Variants in PCDHAC1 observed in about 807,000 individuals in gnomAD.
The protein encoded by PCDHAC1 is protocadherin alpha-C1.
Under a neutral mutation model 60.0 loss-of-function variants are expected in PCDHAC1, and 42 were observed. That is an observed-to-expected ratio of 0.70 (90% CI 0.55 to 0.90). PCDHAC1 has a LOEUF of 0.90. Ranked by LOEUF, PCDHAC1 falls within the 40% of genes least tolerant of loss-of-function variation. PCDHAC1 has a pLI of 0.00. For missense variants in PCDHAC1, 1,160 were observed against 1,222.3 expected (o/e 0.95, Z 0.76); for synonymous variants, 468 against 499.3 (o/e 0.94, Z 0.84).
In PCDHAC1 at chr5:140,928,868, C is replaced by G. The variant is rs374918492; in HGVS notation, c.1976C>G (p.Ser659Cys). Residue 659 changes from serine to cysteine, a missense_variant, in exon 1 of 4, where the codon TCT (serine) becomes TGT (cysteine). Ser to Cys is a moderately radical substitution (Grantham distance 112). Coordinates refer to ENST00000253807, the MANE Select transcript of PCDHAC1 (RefSeq NM_018898.5). ...ACTCTGGGTGTGCTGTTGAGCAACT[C>G]TGTCCCTCAGTTACTTCCAGACTTT... Reference protein sequence around the residue: ...SVTLGVLLSNSVPQLLPDFED... With the variant: ...SVTLGVLLSNCVPQLLPDFED... 32 of 1,614,062 alleles carry G rather than the reference C, an allele frequency of 2.0e-5. No individual in the cohort carries two copies. Among genetic ancestry groups the G allele is most frequent in the Non-Finnish European group, 2.6e-5 (31 of 1,180,044 alleles).
At chr5:140,990,670 A>T (rs1172208113) in intron 3 of PCDHAC1, among the ~76,000 whole-genome samples, 1 of 152,192 alleles carries the variant, frequency 6.6e-6, no homozygotes, top group Non-Finnish European at 1.5e-5. Flanking sequence ...CATTAGATGC[A>T]CACCAAGCTG....
chr5:140,966,793 G>A lies in PCDHAC1; in HGVS notation c.2434-12156G>A, dbSNP rs1456903567. 4.6e-6 allele frequency: 7 copies of A among 1,532,300 alleles called. No homozygotes were observed. The Admixed American group carries it at 5.8e-5, about 13-fold the overall frequency. The allele number at this position is 1,532,300 out of a possible 1,614,324, so 94.9% of individuals were successfully genotyped here. A position where few individuals can be genotyped will look rare whatever the true frequency, so the allele number is the denominator to read the frequency against. ...TGGAGCAGGCGGGCACCAGACCTGC[G>A]GCGACAGAGCATCCACGGCTCCGGC... On this transcript the variant is annotated intron_variant, in intron 1 of 3. Transcript: ENST00000253807.
Position 140,929,131 on chromosome 5 carries a change from G to A in PCDHAC1, c.2239G>A (p.Val747Ile), listed in dbSNP as rs782040825. ...ATCAGCCACCATAGATGTCACTACA[G>A]TTGAGAGACTTTCTCAGACTTATCT... ...MTSATIDVTTVERLSQTYLYR... is the reference protein window; with the variant it reads ...MTSATIDVTTIERLSQTYLYR... Residue 747 changes from valine (V) to isoleucine (I), a missense_variant, in exon 1 of 4, where the codon GTT becomes ATT. Coordinates refer to ENST00000253807, the MANE Select transcript of PCDHAC1 (RefSeq NM_018898.5). 5.0e-6 allele frequency: 8 copies of A among 1,614,036 alleles called. No homozygotes were observed. The East Asian group carries it at 6.7e-5, about 13-fold the overall frequency.
rs71583613 is a variant in PCDHAC1 at position 141,001,265 on chromosome 5, T to G, written c.2582-8362T>G. 5.1e-4 allele frequency among the ~76,000 whole-genome samples: 78 copies of G among 152,286 alleles called. No individual in the cohort carries two copies. In the Middle Eastern group the frequency reaches 0.01, roughly 20 times the overall value. On this transcript the variant is annotated intron_variant, in intron 3 of 3. Transcript: ENST00000253807. ...CAACCCTATGGGGCGGGCACTCTTATGAACTTTTTTTACGGATGAAAACTG... is the reference window on the plus strand; with the variant it reads ...CAACCCTATGGGGCGGGCACTCTTAGGAACTTTTTTTACGGATGAAAACTG...
chr5:140,966,532 G>A (rs1418404048), intron 1 of PCDHAC1: 7 of 447,876 alleles, frequency 1.6e-5, no homozygotes, highest in East Asian at 3.5e-5. Flanking sequence ...GAGCCGGGTT[G>A]AGCGACTCGG....
Position 140,938,896 on chromosome 5 carries a change from C to T in PCDHAC1, c.2433+9571C>T, listed in dbSNP as rs188490743. 3.9e-5 allele frequency among the ~76,000 whole-genome samples: 6 copies of T among 152,036 alleles called. 1 individual carries two copies. The East Asian group carries it at 1.2e-3, about 29-fold the overall frequency. The stretch of plus-strand genomic sequence containing the variant: ...GAAGCAACACACACACACACAGATG[C>T]GCACACACACACACGCACAAGAAAT... On this transcript the variant is annotated intron_variant, in intron 1 of 3. Transcript: ENST00000253807.
Position 140,974,863 on chromosome 5 carries a change from G to A in PCDHAC1, c.2434-4086G>A, listed in dbSNP as rs559374442. On this transcript the variant is annotated intron_variant, in intron 1 of 3. Coordinates refer to ENST00000253807, the MANE Select transcript of PCDHAC1 (RefSeq NM_018898.5). ...ATGTTATATTCCCTTTTGCCTTAAT[G>A]CGGAACAGTCTATGTATCCCTTTTC... Among the ~76,000 whole-genome samples, 14 of 152,198 alleles carry A rather than the reference G, an allele frequency of 9.2e-5. No homozygotes were observed. The South Asian group carries it at 2.9e-3, about 32-fold the overall frequency.
intron 1 of PCDHAC1, among the ~76,000 whole-genome samples, chr5:140,933,589 G>T (rs1369666636): frequency 8.6e-5 from 13 of 152,012 alleles, no homozygotes; most frequent in Non-Finnish European, 2.9e-5. Context: ...GGGTTTTTAG[G>T]TTGATTTGTC....
chr5:140,926,299 C>G lies in PCDHAC1; in HGVS notation c.-594C>G, dbSNP rs547710989. ...CGGCAGCTCCACGCTGAGTCCCGCC[C>G]TCTCCGCCGGAGAGGTGCGCCGGGG... On this transcript the variant is annotated 5_prime_UTR_variant, in exon 1 of 4. Transcript: ENST00000253807. 6 of 152,464 alleles carry G rather than the reference C, an allele frequency of 3.9e-5. No individual in the cohort carries two copies. The highest frequency in any genetic ancestry group is 3.9e-4 in the Admixed American group (6 of 15,308). The allele number at this position is 152,464 out of a possible 1,614,324, so 9.4% of individuals were successfully genotyped here.
At chr5:140,951,948 A>G (rs2153694438) in intron 1 of PCDHAC1, among the ~76,000 whole-genome samples, 1 of 152,322 alleles carries the variant, frequency 6.6e-6, no homozygotes, top group South Asian at 2.1e-4. Context: ...GTGCGGGTAC[A>G]GGCATTGGGT....
At chr5:140,990,900 G>C (rs1164287326) in intron 3 of PCDHAC1, among the ~76,000 whole-genome samples, 1 of 152,114 alleles carries the variant, frequency 6.6e-6, no homozygotes, top group Non-Finnish European at 1.5e-5. Flanking sequence ...TCGTTGCTGG[G>C]TCAAGTTTTA....
At chr5:140,929,690 C>A in intron 1 of PCDHAC1, 1 of 278,482 alleles carries the variant, frequency 3.6e-6, no homozygotes, top group Non-Finnish European at 7.0e-6. Flanking sequence ...TAAGAGTCTG[C>A]TTTATATGAA....
intron 1 of PCDHAC1, among the ~76,000 whole-genome samples, chr5:140,957,285 G>GT (rs1554222913): frequency 6.6e-6 from 1 of 152,144 alleles, no homozygotes; most frequent in Non-Finnish European, 1.5e-5. Flanking sequence ...CTTACCTGCA[G>GT]TTTCACTCTG....
chr5:140,945,534 TACAA>T (rs1326981055), intron 1 of PCDHAC1, among the ~76,000 whole-genome samples: 1 of 151,454 alleles, frequency 6.6e-6, no homozygotes, highest in African/African-American at 2.4e-5. Flanking sequence ...AAACAAAACA[TACAA>T]ACAAAAAAAT....
At chr5:140,929,821 C>G (rs2086398950) in intron 1 of PCDHAC1, 1 of 157,208 alleles carries the variant, frequency 6.4e-6, no homozygotes, top group Non-Finnish European at 1.4e-5. Context: ...AGAAAGGGAA[C>G]ATAAGAGAAC....
chr5:140,927,063 C>G lies in PCDHAC1; in HGVS notation c.171C>G (p.Phe57Leu). The G allele has an allele frequency of 6.2e-7, 1 of 1,611,332 alleles. No individual in the cohort carries two copies. The change falls in exon 1 of 4, where the codon TTC (phenylalanine) becomes TTG (leucine). Residue 57 changes from phenylalanine (F) to leucine (L), a missense_variant. Phe to Leu is a conservative substitution (Grantham distance 22). Around this residue, in one of 3 missense-constraint regions of PCDHAC1, gnomAD observed 1,113 missense variants for 1,163.7 expected, o/e 0.96. Transcript: ENST00000253807. ...AAAMSSRNFR[F>L]LSSHRELYFG... is the part of the protein sequence containing the mutation. Reference sequence around the variant, plus strand: ...CTATGTCCTCGCGGAACTTTCGCTTCCTTTCCAGCCACCGCGAGCTCTACT... The same window carrying G: ...CTATGTCCTCGCGGAACTTTCGCTTGCTTTCCAGCCACCGCGAGCTCTACT...
intron 3 of PCDHAC1, 47 bp from the exon 4 acceptor site, chr5:141,009,580 G>T: frequency 1.3e-6 from 2 of 1,588,168 alleles, no homozygotes; most frequent in South Asian, 2.3e-5. Context: ...GTGGCATCAA[G>T]AGCATGTGTT....
chr5:140,982,827 T>G (rs2097010165), intron 3 of PCDHAC1, among the ~76,000 whole-genome samples: 1 of 140,992 alleles, frequency 7.1e-6, no homozygotes, highest in Non-Finnish European at 1.6e-5. Flanking sequence ...TTTTTGGGGT[T>G]TGTTTGTTTG....
rs1269020840 is a variant in PCDHAC1 at position 140,926,330 on chromosome 5, G to T, written c.-563G>T. The T allele has an allele frequency of 6.6e-6, 1 of 152,266 alleles. No individual in the cohort carries two copies. The highest frequency in any genetic ancestry group is 1.9e-4 in the East Asian group (1 of 5,176). 9.4% of individuals were successfully genotyped at this position (152,266 alleles called of 1,614,324 possible). On this transcript the variant is annotated 5_prime_UTR_variant, in exon 1 of 4. Coordinates refer to ENST00000253807, the MANE Select transcript of PCDHAC1 (RefSeq NM_018898.5). Reference sequence around the variant, plus strand: ...GCCGGAGAGGTGCGCCGGGGTCAGAGCGCCGGGACCCGACGCGCGGCTCCC... The same window carrying T: ...GCCGGAGAGGTGCGCCGGGGTCAGATCGCCGGGACCCGACGCGCGGCTCCC...
Sources: allele counts gnomAD v4.1 joint callset (sites outside exome capture counted in the v4.1 genomes callset), GRCh38; gene constraint gnomAD v4.1.1; regional missense constraint gnomAD v4.1.1; transcripts MANE v1.5; gene names NCBI Gene and HGNC (gene_info 2026-07-23, HGNC 2026-07-21).